The following NPHP3 variants were observed in gnomAD, a reference collection of about 807,000 sequenced individuals.
The protein encoded by NPHP3 is nephrocystin 3.
Under a neutral mutation model 171.9 loss-of-function variants are expected in NPHP3, and 123 were observed. The observed-to-expected ratio is 0.72, with a 90% CI of 0.62 to 0.83. NPHP3 has a LOEUF of 0.83. NPHP3 is among the 40% of genes least tolerant of loss of function. The pLI is 0.00. For missense variants in NPHP3, 1,506 were observed against 1,591.9 expected (o/e 0.95, Z 0.92); for synonymous variants, 558 against 579.2 (o/e 0.96, Z 0.52).
chr3:132,704,135 C>G lies in NPHP3; in HGVS notation c.1524+63G>C, dbSNP rs547519689. 14 of 1,454,022 alleles carry G rather than the reference C, an allele frequency of 9.6e-6. No individual in the cohort carries two copies. The South Asian group carries it at 1.5e-4, about 15-fold the overall frequency. The allele number at this position is 1,454,022 out of a possible 1,614,324, so 90.1% of individuals were successfully genotyped here. A position where few individuals can be genotyped will look rare whatever the true frequency, so the allele number is the denominator to read the frequency against. ...CCTTAACTATATTTAGATGAAAATA[C>G]AATCATAATACAGCCTTTAAGTGGT... On this transcript the variant is annotated intron_variant, in intron 9 of 26. Coordinates refer to ENST00000337331, the MANE Select transcript of NPHP3 (RefSeq NM_153240.5).
Position 132,681,633 on chromosome 3 carries a change from A to C in NPHP3, c.*277T>G, listed in dbSNP as rs1939029758. On this transcript the variant is annotated 3_prime_UTR_variant, in exon 27 of 27. Transcript: ENST00000337331. ...TGCCAGCTCTTGTTGAACAAAGACC[A>C]ATCCGCTCTTCATGATTTGCTCCTC... 1 of 401,388 alleles carries C rather than the reference A, an allele frequency of 2.5e-6. No individual in the cohort carries two copies. Among genetic ancestry groups the C allele is most frequent in the Non-Finnish European group, 4.7e-6 (1 of 214,278 alleles). The allele number at this position is 401,388 out of a possible 1,614,324, so 24.9% of individuals were successfully genotyped here.
At chr3:132,695,050 T>C in intron 15 of NPHP3, 85 bp from the exon 16 acceptor site, 1 of 1,342,560 alleles carries the variant, frequency 7.4e-7, no homozygotes, top group Non-Finnish European at 1.1e-6. Flanking sequence ...CAACGTGAAC[T>C]CTATTTTTTG....
intron 3 of NPHP3, 43 bp from the exon 4 acceptor site, chr3:132,716,952 G>C: frequency 1.2e-6 from 2 of 1,604,460 alleles, no homozygotes; most frequent in African/African-American, 1.3e-5. Context: ...CCAACTTATT[G>C]AATGTTCAAA....
intron 25 of NPHP3, 97 bp downstream of exon 25, chr3:132,683,302 T>G (rs1939077372): frequency 1.8e-6 from 2 of 1,116,100 alleles, no homozygotes; most frequent in Admixed American, 3.6e-5. Context: ...TTAAATTGTC[T>G]TTCATTCTAT....
At chr3:132,718,364 T>C (rs1940113900) in intron 3 of NPHP3, among the ~76,000 whole-genome samples, 1 of 152,240 alleles carries the variant, frequency 6.6e-6, no homozygotes, top group South Asian at 2.1e-4. Context: ...ATTTGTTTAA[T>C]TATAAAACAA....
chr3:132,702,021 G>C (rs781202392), intron 9 of NPHP3, among the ~76,000 whole-genome samples: 2 of 151,774 alleles, frequency 1.3e-5, no homozygotes, highest in African/African-American at 4.9e-5. Flanking sequence ...GCAAGACTCC[G>C]TCTCAAAACA....
chr3:132,717,964 C>A (rs900241611), intron 3 of NPHP3: 3 of 369,132 alleles, frequency 8.1e-6, no homozygotes, highest in Non-Finnish European at 1.6e-5. Context: ...CCATGTTGGC[C>A]AGGATGGTCT....
At chr3:132,706,820 C>CT (rs1486833219) in intron 7 of NPHP3, among the ~76,000 whole-genome samples, 1 of 152,012 alleles carries the variant, frequency 6.6e-6, no homozygotes, top group African/African-American at 2.4e-5. Flanking sequence ...AAATTAATAT[C>CT]TTTTTTGTGG....
intron 21 of NPHP3, among the ~76,000 whole-genome samples, chr3:132,687,885 G>A (rs117267512): frequency 0.012 from 1,752 of 152,294 alleles, 87 homozygotes; most frequent in Admixed American, 0.092. Context: ...TTTGTGGGCC[G>A]TGTGCTTTCT....
chr3:132,704,141 T>C (rs780219418), intron 9 of NPHP3, 57 bp downstream of exon 9: 9 of 1,481,076 alleles, frequency 6.1e-6, no homozygotes, highest in African/African-American at 1.4e-5. Context: ...AATACAATCA[T>C]AATACAGCCT....
At position 132,722,090 on chromosome 3, in the gene NPHP3, GCCGC is replaced by G; in HGVS notation, c.262_265del (p.Ala88ProfsTer60). On this transcript the variant is annotated frameshift_variant, in exon 1 of 27. Transcript: ENST00000337331. LOFTEE classifies it high-confidence loss of function. The stretch of plus-strand genomic sequence containing the variant: ...CTCCTTCCTGAGCCGCTCGTACTCG[GCCGC>G]CGCGTACTCCAGCTCTGGCACCGAC... The G allele has an allele frequency of 6.2e-7, 1 of 1,609,884 alleles. No homozygotes were observed. The highest frequency in any genetic ancestry group is 8.5e-7 in the Non-Finnish European group (1 of 1,179,816).
In NPHP3 at chr3:132,705,828, A is replaced by G. The variant is rs1442602773; in HGVS notation, c.1276-14T>C. ...GTGATCAATGATCTAGATAAAAATC[A>G]TTTAAGAACAATGAGAAAAACCATA... is the stretch of plus-strand genomic sequence containing the variant. On this transcript the variant is annotated splice_polypyrimidine_tract_variant and intron_variant, in intron 7 of 26. Coordinates refer to ENST00000337331, the MANE Select transcript of NPHP3 (RefSeq NM_153240.5). 3 of 1,380,922 alleles carry G rather than the reference A, an allele frequency of 2.2e-6. No homozygotes were observed. Among genetic ancestry groups the G allele is most frequent in the South Asian group, 1.2e-5 (1 of 85,090 alleles). 85.5% of individuals were successfully genotyped at this position (1,380,922 alleles called of 1,614,324 possible).
At chr3:132,707,596 G>C (rs746346915) in intron 7 of NPHP3, among the ~76,000 whole-genome samples, 2 of 152,082 alleles carry the variant, frequency 1.3e-5, no homozygotes, top group African/African-American at 2.4e-5. Flanking sequence ...CACACACTGC[G>C]ATTTATTTCT....
At chr3:132,711,174 A>G (rs1939899233) in intron 6 of NPHP3, among the ~76,000 whole-genome samples, 1 of 152,214 alleles carries the variant, frequency 6.6e-6, no homozygotes, top group African/African-American at 2.4e-5. Context: ...GGGTAGGCGA[A>G]GGAAAAATCT....
intron 6 of NPHP3, among the ~76,000 whole-genome samples, chr3:132,709,072 A>G (rs1428326866): frequency 6.6e-6 from 1 of 151,966 alleles, no homozygotes; most frequent in African/African-American, 2.4e-5. Flanking sequence ...TAATCCTTAT[A>G]CCCAATATAT....
chr3:132,716,433 A>G (rs1940053048), intron 4 of NPHP3, among the ~76,000 whole-genome samples: 1 of 152,234 alleles, frequency 6.6e-6, no homozygotes, highest in African/African-American at 2.4e-5. Context: ...AAAGAAGCAG[A>G]GGGAAAGATT....
intron 15 of NPHP3, among the ~76,000 whole-genome samples, chr3:132,695,515 C>G (rs1576668650): frequency 6.6e-6 from 1 of 152,150 alleles, no homozygotes; most frequent in African/African-American, 2.4e-5. Flanking sequence ...CAGTAAAATA[C>G]TTTCAATGAA....
intron 5 of NPHP3, among the ~76,000 whole-genome samples, chr3:132,713,804 TA>T (rs1939977145): frequency 6.6e-6 from 1 of 152,234 alleles, no homozygotes; most frequent in Non-Finnish European, 1.5e-5. Context: ...TCGTTGGGAA[TA>T]ACATTTTCAA....
At chr3:132,687,915 G>A (rs927952043) in intron 21 of NPHP3, among the ~76,000 whole-genome samples, 5 of 152,160 alleles carry the variant, frequency 3.3e-5, no homozygotes, top group African/African-American at 9.7e-5. Context: ...GAGGAACTCC[G>A]CCACTGAAGC....
Sources: gnomAD v4.1 joint callset for allele counts (sites outside exome capture counted in the v4.1 genomes callset) on GRCh38, gnomAD v4.1.1 for gene constraint, MANE v1.5 for transcripts, NCBI Gene and HGNC (gene_info 2026-07-23, HGNC 2026-07-21) for gene names.